TLN2: variants seen among roughly 807,000 people sequenced by gnomAD.
The protein encoded by TLN2 is talin-2.
A neutral mutation model predicts 294.7 loss-of-function variants in TLN2; 118 were observed. The ratio of observed to expected loss-of-function variants is 0.40; its 90% CI spans 0.34 to 0.47. The LOEUF (loss-of-function observed/expected upper bound fraction) is 0.47. TLN2 is among the 20% of genes least tolerant of loss of function. TLN2 has a pLI of 0.84. For synonymous variants in TLN2, 1,431 were observed against 1,304.5 expected, an observed-to-expected ratio of 1.10 and a Z score of -2.09; for missense variants, 3,083 against 3,282.2, an observed-to-expected ratio of 0.94 and a Z score of 1.48.
chr15:62,782,178 CAT>C (rs1157220488), intron 44 of TLN2, among the ~76,000 whole-genome samples: 5 of 152,216 alleles, frequency 3.3e-5, no homozygotes, highest in African/African-American at 1.2e-4. Flanking sequence ...GTCATGTAAT[CAT>C]GTGTCCACTA....
At chr15:62,417,605 A>G (rs2034160298) in intron 1 of TLN2, among the ~76,000 whole-genome samples, 1 of 152,068 alleles carries the variant, frequency 6.6e-6, no homozygotes, top group Non-Finnish European at 1.5e-5. Flanking sequence ...TCCTGTGGGA[A>G]CCTCATACTT....
chr15:62,703,650 C>CAG (rs1555479923), intron 19 of TLN2, among the ~76,000 whole-genome samples: 55,056 of 149,620 alleles, frequency 0.37, 10,395 homozygotes, highest in East Asian at 0.73. Flanking sequence ...CACACACACA[C>CAG]AGAGAAAGAG....
chr15:62,597,258 G>A, intron 2 of TLN2, among the ~76,000 whole-genome samples: 1 of 152,102 alleles, frequency 6.6e-6, no homozygotes, highest in Non-Finnish European at 1.5e-5. Context: ...ATCTCACTCA[G>A]TAAAGGCTTC....
chr15:62,713,283 A>AAC (rs1555484934), intron 22 of TLN2, among the ~76,000 whole-genome samples: 3 of 150,626 alleles, frequency 2.0e-5, no homozygotes, highest in Admixed American at 6.6e-5. Context: ...AAAAAAAAAA[A>AAC]AAAAAACAAA....
At chr15:62,540,842 C>A (rs193107544) in intron 1 of TLN2, among the ~76,000 whole-genome samples, 10 of 152,224 alleles carry the variant, frequency 6.6e-5, no homozygotes, top group African/African-American at 2.4e-4. Flanking sequence ...CCAGGGAGTT[C>A]AGACAGTAAC....
At position 62,422,937 on chromosome 15, in the gene TLN2, G is replaced by C. The variant is rs548550536; in HGVS notation, c.-238+32252G>C. 5.9e-5 allele frequency among the ~76,000 whole-genome samples: 9 copies of C among 152,282 alleles called. No homozygotes were observed. In the East Asian group the frequency reaches 1.7e-3, roughly 29 times the overall value. On this transcript the variant is annotated intron_variant, in intron 1 of 58. Coordinates refer to ENST00000636159, the MANE Select transcript of TLN2 (RefSeq NM_015059.3). ...TGCTGTTTTTGAACACCGGTATTGG[G>C]AGACCACCCAATCACTCAGACAAGC...
rs1350509381 is a variant in TLN2, at chr15:62,643,058, G to C, written c.-36-4217G>C. Among the ~76,000 whole-genome samples the C allele has an allele frequency of 3.3e-5, 5 of 152,262 alleles. No individual in the cohort carries two copies. The East Asian group carries it at 9.6e-4, about 29-fold the overall frequency. On this transcript the variant is annotated intron_variant, in intron 3 of 58. Transcript: ENST00000636159. ...GTCATAGTACTTGATTCCAACAAGT[G>C]TCCTTTTTGCCAGGTACTTATTTTG...
At chr15:62,442,756 C>T (rs781653724) in intron 1 of TLN2, among the ~76,000 whole-genome samples, 1 of 152,084 alleles carries the variant, frequency 6.6e-6, no homozygotes, top group Admixed American at 6.6e-5. Flanking sequence ...CAAATTACTA[C>T]ACATTTAGTA....
At chr15:62,686,937 C>A in intron 12 of TLN2, 141 bp downstream of exon 12, 1 of 1,195,906 alleles carries the variant, frequency 8.4e-7, no homozygotes, top group Non-Finnish European at 1.1e-6. Flanking sequence ...GGTGCAAGCC[C>A]ATGGGCAGGG....
chr15:62,430,556 A>G (rs2140288215), intron 1 of TLN2, among the ~76,000 whole-genome samples: 1 of 152,296 alleles, frequency 6.6e-6, no homozygotes, highest in East Asian at 1.9e-4. Flanking sequence ...GATTTGCACC[A>G]CATTTTTGGG....
intron 45 of TLN2, among the ~76,000 whole-genome samples, chr15:62,785,703 T>C (rs2064595040): frequency 6.6e-6 from 1 of 151,716 alleles, no homozygotes; most frequent in Admixed American, 6.6e-5. Flanking sequence ...TTTGGATATC[T>C]GTCCACAGAA....
At chr15:62,759,392 T>A (rs1463805) in intron 37 of TLN2, among the ~76,000 whole-genome samples, 91,994 of 152,184 alleles carry the variant, frequency 0.6, 28,926 homozygotes, top group Non-Finnish European at 0.69. Context: ...GGGCTATATG[T>A]TAATATGATT....
At chr15:62,622,086 G>T (rs1421342845) in intron 3 of TLN2, among the ~76,000 whole-genome samples, 1 of 152,022 alleles carries the variant, frequency 6.6e-6, no homozygotes, top group African/African-American at 2.4e-5. Flanking sequence ...TAAGCTGGGG[G>T]GTGGGGGGTG....
Position 62,702,026 on chromosome 15 carries a change from A to G in TLN2, c.1731A>G (p.Gly577=), listed in dbSNP as rs2058748112. The G allele has an allele frequency of 1.2e-6, 2 of 1,614,140 alleles. No homozygotes were observed. The highest frequency in any genetic ancestry group is 2.2e-5 in the South Asian group (2 of 91,080). Residue 577 remains glycine (G), a synonymous_variant, in exon 18 of 59, where the codon GGA becomes GGG. Coordinates refer to ENST00000636159, the MANE Select transcript of TLN2 (RefSeq NM_015059.3). The stretch of plus-strand genomic sequence containing the variant: ...CAGACACTGACTACACAGCTGTGGG[A>G]TGTGCGATCACCACTATTTCTTCCA... ...DPADTDYTAV[G]CAITTISSNL...
intron 51 of TLN2, among the ~76,000 whole-genome samples, chr15:62,807,904 C>A (rs894126827): frequency 6.6e-6 from 1 of 152,206 alleles, no homozygotes; most frequent in Non-Finnish European, 1.5e-5. Context: ...TTCCCTTGAT[C>A]TCCTGTATCC....
intron 3 of TLN2, among the ~76,000 whole-genome samples, chr15:62,636,249 A>AATAGATAGATAGATAGATAGATAGATAG (rs57713976): frequency 1.4e-4 from 21 of 150,140 alleles, no homozygotes; most frequent in African/African-American, 2.9e-4. Flanking sequence ...GGGATACTGT[A>AATAGATAGATAGATAGATAGATAGATAG]ATAGATAGAT....
At chr15:62,491,227 C>CA (rs1345196078) in intron 1 of TLN2, among the ~76,000 whole-genome samples, 2 of 151,694 alleles carry the variant, frequency 1.3e-5, no homozygotes, top group African/African-American at 4.8e-5. Context: ...GAGGCTGAGG[C>CA]AGGAGAATCA....
intron 3 of TLN2, chr15:62,638,405 G>T (rs942977843): frequency 2.9e-5 from 11 of 384,988 alleles, no homozygotes; most frequent in Middle Eastern, 1.0e-3. Flanking sequence ...AAATCTTTAT[G>T]ACCAACAATA....
At chr15:62,530,421 A>C (rs1567063004) in intron 1 of TLN2, among the ~76,000 whole-genome samples, 1 of 152,106 alleles carries the variant, frequency 6.6e-6, no homozygotes, top group Non-Finnish European at 1.5e-5. Flanking sequence ...GCAGTGGCAC[A>C]ATCTCAGCTC....
Sources: gnomAD v4.1 joint callset for allele counts (sites outside exome capture counted in the v4.1 genomes callset) on GRCh38, gnomAD v4.1.1 for gene constraint, MANE v1.5 for transcripts, NCBI Gene and HGNC (gene_info 2026-07-23, HGNC 2026-07-21) for gene names.